Variants in CACNA1E observed in about 807,000 individuals in gnomAD.
CACNA1E encodes the protein calcium voltage-gated channel subunit alpha1 E, also known as voltage-dependent R-type calcium channel subunit alpha-1E.
CACNA1E carries 40 observed loss-of-function variants against 259.2 expected under a neutral mutation model. The ratio of observed to expected loss-of-function variants is 0.15; its 90% CI spans 0.12 to 0.20. The LOEUF (loss-of-function observed/expected upper bound fraction) is 0.20, where lower values mean the gene tolerates loss of function less well. Among genes scored for constraint, CACNA1E ranks in the 10% least tolerant of loss-of-function variants. CACNA1E has a pLI of 1.00. For missense variants in CACNA1E, 1,874 were observed against 3,040.1 expected (o/e 0.62, Z 9.02); for synonymous variants, 1,104 against 1,138.5 (o/e 0.97, Z 0.61).
intron 8 of CACNA1E, among the ~76,000 whole-genome samples, chr1:181,712,725 T>G (rs754685379): frequency 6.7e-6 from 1 of 149,620 alleles, no homozygotes; most frequent in African/African-American, 2.5e-5. Context: ...CCATGGGAGG[T>G]CAAGCAGATT....
chr1:181,674,602 T>C (rs1649183361), intron 7 of CACNA1E, among the ~76,000 whole-genome samples: 1 of 152,114 alleles, frequency 6.6e-6, no homozygotes, highest in Non-Finnish European at 1.5e-5. Flanking sequence ...GAATGTTCCA[T>C]GCCCCCTCAG....
chr1:181,518,602 C>T (rs1018440825), intron 3 of CACNA1E, among the ~76,000 whole-genome samples: 10 of 152,234 alleles, frequency 6.6e-5, no homozygotes, highest in Admixed American at 3.9e-4. Context: ...CAGGGAGACT[C>T]CTAGTGAGAG....
intron 3 of CACNA1E, among the ~76,000 whole-genome samples, chr1:181,565,299 G>T (rs1953690): frequency 6.6e-6 from 1 of 152,068 alleles, no homozygotes; most frequent in Non-Finnish European, 1.5e-5. Context: ...AAACTGCCAC[G>T]CTGCAGGCAG....
chr1:181,412,579 G>A (rs1209317047), intron 1 of CACNA1E, among the ~76,000 whole-genome samples: 1 of 151,656 alleles, frequency 6.6e-6, no homozygotes, highest in Non-Finnish European at 1.5e-5. Flanking sequence ...AAAAAAAGGA[G>A]AGACCACCTT....
In CACNA1E at chr1:181,457,164, G is replaced by C. The variant is rs543769094; in HGVS notation, c.435-26580G>C. Among the ~76,000 whole-genome samples the C allele has an allele frequency of 2.0e-5, 3 of 152,366 alleles. No individual in the cohort carries two copies. In the East Asian group the frequency reaches 5.8e-4, roughly 29 times the overall value. On this transcript the variant is annotated intron_variant, in intron 2 of 11. Transcript: ENST00000524607. ...GGTGTCTGGCAAGGGCCCTCTGCCT[G>C]ATGGATACCTTTCTTTCCACTGTAA...
intron 37 of CACNA1E, among the ~76,000 whole-genome samples, chr1:181,775,624 C>T (rs923174893): frequency 6.6e-6 from 1 of 152,224 alleles, no homozygotes; most frequent in Middle Eastern, 3.4e-3. Flanking sequence ...TTTTGTATAG[C>T]CCATGAAATA....
intron 2 of CACNA1E, among the ~76,000 whole-genome samples, chr1:181,446,680 T>C (rs951737424): frequency 6.6e-6 from 1 of 152,236 alleles, no homozygotes; most frequent in African/African-American, 2.4e-5. Flanking sequence ...AATCCCATTA[T>C]TGCCTTCCAG....
intron 2 of CACNA1E, among the ~76,000 whole-genome samples, chr1:181,475,880 G>C (rs966481823): frequency 2.6e-5 from 4 of 152,140 alleles, no homozygotes; most frequent in Admixed American, 6.5e-5. Flanking sequence ...CGAAAGGTGA[G>C]GTCTAGGAGC....
At chr1:181,620,147 A>G (rs1478921678) in intron 6 of CACNA1E, among the ~76,000 whole-genome samples, 1 of 152,168 alleles carries the variant, frequency 6.6e-6, no homozygotes, top group African/African-American at 2.4e-5. Flanking sequence ...TCTGGGGGTC[A>G]ACTGATTAGC....
At chr1:181,632,219 C>A (rs1656815235) in intron 6 of CACNA1E, among the ~76,000 whole-genome samples, 1 of 152,032 alleles carries the variant, frequency 6.6e-6, no homozygotes, top group South Asian at 2.1e-4. Flanking sequence ...GGGGAGCTAA[C>A]CTGTTTCTTT....
chr1:181,797,876 G>A (rs1172231911), intron 47 of CACNA1E, among the ~76,000 whole-genome samples: 1 of 152,170 alleles, frequency 6.6e-6, no homozygotes, highest in African/African-American at 2.4e-5. Context: ...ACCTTCCACA[G>A]AGTTGTCTTT....
intron 3 of CACNA1E, among the ~76,000 whole-genome samples, chr1:181,541,800 A>T (rs547288350): frequency 1.3e-5 from 2 of 152,354 alleles, no homozygotes; most frequent in East Asian, 3.9e-4. Flanking sequence ...CTCTGGAGCC[A>T]GACTGCCTGG....
intron 2 of CACNA1E, among the ~76,000 whole-genome samples, chr1:181,447,498 T>TC (rs1243328460): frequency 6.6e-6 from 1 of 150,966 alleles, no homozygotes; most frequent in Non-Finnish European, 1.5e-5. Flanking sequence ...ACCTCTGTAC[T>TC]CCAACTTGGG....
intron 1 of CACNA1E, among the ~76,000 whole-genome samples, chr1:181,335,427 A>G (rs1326212535): frequency 6.6e-6 from 1 of 152,050 alleles, no homozygotes; most frequent in Non-Finnish European, 1.5e-5. Context: ...CAAGAAAGAG[A>G]CCTGTTTTTC....
chr1:181,489,413 T>G lies in CACNA1E; in HGVS notation c.266+5403T>G, dbSNP rs576059880. 2.2e-4 allele frequency among the ~76,000 whole-genome samples: 33 copies of G among 152,334 alleles called. No individual in the cohort carries two copies. The South Asian group carries it at 6.4e-3, about 30-fold the overall frequency. ...TTTGTCTTCCTCTTGGGTAGGATTATTAAGGTCTCTCACAGAGGACCAACT... is the reference window on the plus strand; with the variant it reads ...TTTGTCTTCCTCTTGGGTAGGATTAGTAAGGTCTCTCACAGAGGACCAACT... On this transcript the variant is annotated intron_variant, in intron 1 of 47. Transcript: ENST00000367573.
chr1:181,739,175 A>G lies in CACNA1E; in HGVS notation c.3641A>G (p.Asp1214Gly), dbSNP rs1656333107. Residue 1214 changes from aspartate to glycine, a missense_variant, in exon 25 of 48, where the codon GAT becomes GGT. By Grantham distance (94) the Asp-to-Gly change is moderately conservative. This residue lies in a region of CACNA1E where 188 missense variants were observed against 540.6 expected (regional missense o/e 0.35). Transcript: ENST00000367573. ...KMIDQGLILQDGSYFRDLWNI... is the reference protein window; with the variant it reads ...KMIDQGLILQGGSYFRDLWNI... ...ATAGACCAAGGCTTGATCCTGCAGG[A>G]TGGGTCCTACTTCCGAGACTTGTGG... 6.2e-7 allele frequency: 1 copy of G among 1,613,386 alleles called. No homozygotes were observed. Among genetic ancestry groups the G allele is most frequent in the South Asian group, 1.1e-5 (1 of 91,068 alleles).
At chr1:181,520,177 C>T (rs6669037) in intron 3 of CACNA1E, among the ~76,000 whole-genome samples, 18,934 of 152,120 alleles carry the variant, frequency 0.12, 1,282 homozygotes, top group South Asian at 0.16. Flanking sequence ...GATATTATCT[C>T]CATTTTACGG....
intron 6 of CACNA1E, among the ~76,000 whole-genome samples, chr1:181,618,468 G>A (rs756600689): frequency 6.6e-6 from 1 of 152,198 alleles, no homozygotes; most frequent in East Asian, 1.9e-4. Context: ...GGGAGGCTGA[G>A]GCAGGAGAAT....
rs1662478065 is a variant in CACNA1E at position 181,804,218 on chromosome 1, AAAG to A, written c.*5388_*5390del. ...TGTAACAGACCTATTCTGGAATAGC[AAAG>A]AAGGATACCTTGGTGATCTGCAATG... is the stretch of plus-strand genomic sequence containing the variant. On this transcript the variant is annotated 3_prime_UTR_variant, in exon 48 of 48. Transcript: ENST00000367573. 1 of 152,210 alleles carries A rather than the reference AAAG, an allele frequency of 6.6e-6. No individual in the cohort carries two copies. The highest frequency in any genetic ancestry group is 2.4e-5 in the African/African-American group (1 of 41,458). 9.4% of individuals were successfully genotyped at this position (152,210 alleles called of 1,614,324 possible). A position where few individuals can be genotyped will look rare whatever the true frequency, so the allele number is the denominator to read the frequency against.
Sources: allele counts gnomAD v4.1 joint callset (sites outside exome capture counted in the v4.1 genomes callset), GRCh38; gene constraint gnomAD v4.1.1; regional missense constraint gnomAD v4.1.1; transcripts MANE v1.5; gene names NCBI Gene and HGNC (gene_info 2026-07-23, HGNC 2026-07-21).